IQCB1: variants seen among roughly 807,000 people sequenced by gnomAD.
IQCB1 encodes the protein IQ calmodulin-binding motif-containing protein 1.
A neutral mutation model predicts 84.4 loss-of-function variants in IQCB1; 56 were observed. The ratio of observed to expected loss-of-function variants is 0.66; its 90% CI spans 0.54 to 0.83. The LOEUF is 0.83. Among genes scored for constraint, IQCB1 ranks in the 40% least tolerant of loss-of-function variants. The pLI is 0.00. For missense variants in IQCB1, 629 were observed against 682.1 expected, an observed-to-expected ratio of 0.92 and a Z score of 0.87; for synonymous variants, 210 against 234.8, an observed-to-expected ratio of 0.89 and a Z score of 0.96.
intron 13 of IQCB1, among the ~76,000 whole-genome samples, chr3:121,777,762 T>C (rs1948288286): frequency 1.3e-5 from 2 of 152,214 alleles, no homozygotes; most frequent in African/African-American, 4.8e-5. Flanking sequence ...TCTGTTGTTT[T>C]TGACTTTGTA....
At chr3:121,831,132 C>T (rs544601550) in intron 2 of IQCB1, among the ~76,000 whole-genome samples, 1 of 151,692 alleles carries the variant, frequency 6.6e-6, no homozygotes, top group South Asian at 2.1e-4. Flanking sequence ...AAGCTCTGTG[C>T]CCCTTCCCAT....
At chr3:121,807,877 A>G (rs1398347172) in intron 6 of IQCB1, among the ~76,000 whole-genome samples, 1 of 152,030 alleles carries the variant, frequency 6.6e-6, no homozygotes, top group Non-Finnish European at 1.5e-5. Context: ...TGTTTTATAT[A>G]ATAATGAATA....
At chr3:121,790,699 T>A (rs530922901) in intron 10 of IQCB1, among the ~76,000 whole-genome samples, 1 of 152,292 alleles carries the variant, frequency 6.6e-6, no homozygotes, top group East Asian at 1.9e-4. Context: ...GAGAATATAC[T>A]GATGATCTAA....
In IQCB1 at chr3:121,774,386, A is replaced by T. The variant is rs185978685; in HGVS notation, c.1411-1673T>A. Among the ~76,000 whole-genome samples, 685 of 152,316 alleles carry T rather than the reference A, an allele frequency of 4.5e-3. 2 individuals carry two copies. Among genetic ancestry groups the T allele is most frequent in the Non-Finnish European group, 7.7e-3 (523 of 68,026 alleles). On this transcript the variant is annotated intron_variant, in intron 13 of 14. Coordinates refer to ENST00000310864, the MANE Select transcript of IQCB1 (RefSeq NM_001023570.4). ...AACAGTATGGCAGTTCCTCAAAAAA[A>T]TTTTTAAAAAGAATTAGCACACAAT...
chr3:121,823,506 C>T (rs1315708702), intron 5 of IQCB1, among the ~76,000 whole-genome samples: 2 of 151,912 alleles, frequency 1.3e-5, no homozygotes, highest in Non-Finnish European at 2.9e-5. Context: ...AGAATGAAGG[C>T]TGAATTTACA....
At position 121,799,248 on chromosome 3, in the gene IQCB1, A is replaced by G. The variant is rs886057828; in HGVS notation, c.714T>C (p.Ala238=). The part of the protein sequence containing the change: ...STATKLLLLM[A]ESHQEILILL... ...AAATCAAAATTTCCTGATGGGATTC[A>G]GCCATCAACAGTAGGAGTTTTGTAG... is the stretch of plus-strand genomic sequence containing the variant. The change falls in exon 8 of 15, where the codon GCT becomes GCC. Residue 238 remains alanine (A), a synonymous_variant. Coordinates refer to ENST00000310864, the MANE Select transcript of IQCB1 (RefSeq NM_001023570.4). 2.4e-5 allele frequency: 39 copies of G among 1,610,370 alleles called. No homozygotes were observed. Among genetic ancestry groups the G allele is most frequent in the African/African-American group, 4.0e-5 (3 of 74,782 alleles).
intron 12 of IQCB1, among the ~76,000 whole-genome samples, chr3:121,783,097 C>T (rs1315253612): frequency 6.6e-6 from 1 of 152,160 alleles, no homozygotes; most frequent in African/African-American, 2.4e-5. Context: ...ATAGCCCTTC[C>T]CTGAAAAGTT....
At chr3:121,815,586 A>C (rs1950019950) in intron 5 of IQCB1, among the ~76,000 whole-genome samples, 1 of 152,210 alleles carries the variant, frequency 6.6e-6, no homozygotes, top group Admixed American at 6.5e-5. Flanking sequence ...AATCTGCAAA[A>C]ATCACAAGCA....
At position 121,788,277 on chromosome 3, in the gene IQCB1, G is replaced by A. The variant is rs112780863; in HGVS notation, c.1278+7C>T. The A allele has an allele frequency of 6.2e-7, 1 of 1,613,444 alleles. No individual in the cohort carries two copies. Among genetic ancestry groups the A allele is most frequent in the South Asian group, 1.1e-5 (1 of 91,056 alleles). On this transcript the variant is annotated splice_region_variant and intron_variant, in intron 12 of 14. Transcript: ENST00000310864. Reference sequence around the variant, plus strand: ...ATTCAGAGCTCTTTTCACTACATTAGACTCACTGCTCTTTGAAGTGTGACA... The same window carrying A: ...ATTCAGAGCTCTTTTCACTACATTAAACTCACTGCTCTTTGAAGTGTGACA...
intron 5 of IQCB1, among the ~76,000 whole-genome samples, chr3:121,819,392 G>A (rs1270981910): frequency 6.6e-6 from 1 of 152,168 alleles, no homozygotes; most frequent in East Asian, 1.9e-4. Context: ...AGGCGGTAAT[G>A]TGAGCAATGG....
intron 4 of IQCB1, among the ~76,000 whole-genome samples, chr3:121,828,154 C>T (rs1950519628): frequency 6.6e-6 from 1 of 152,062 alleles, no homozygotes. Flanking sequence ...TTCTCAGGTA[C>T]AGAGCCAGTG....
chr3:121,789,978 A>C, intron 11 of IQCB1, 95 bp downstream of exon 11: 2 of 1,114,408 alleles, frequency 1.8e-6, no homozygotes, highest in Admixed American at 3.6e-5. Context: ...CAAAAGTCCA[A>C]ATTTAAAAAA....
chr3:121,811,238 A>T (rs915776389), intron 5 of IQCB1, among the ~76,000 whole-genome samples: 5 of 152,124 alleles, frequency 3.3e-5, no homozygotes, highest in South Asian at 4.1e-4. Flanking sequence ...TATCTGGCCC[A>T]GATACTACGT....
chr3:121,799,948 C>T (rs938818131), intron 7 of IQCB1, among the ~76,000 whole-genome samples: 5 of 151,752 alleles, frequency 3.3e-5, no homozygotes, highest in Non-Finnish European at 5.9e-5. Flanking sequence ...TATTTACCCC[C>T]TTAAGGAGTT....
intron 5 of IQCB1, among the ~76,000 whole-genome samples, chr3:121,825,119 G>C (rs1950419601): frequency 6.8e-6 from 1 of 146,580 alleles, no homozygotes; most frequent in African/African-American, 2.5e-5. Flanking sequence ...GGAGAGCAAT[G>C]GCACTATCTT....
Position 121,783,187 on chromosome 3 carries a change from A to G in IQCB1, c.1279-1313T>C, listed in dbSNP as rs796376663. On this transcript the variant is annotated intron_variant, in intron 12 of 14. Transcript: ENST00000310864. The stretch of plus-strand genomic sequence containing the variant: ...CGATTGTTTAATTTGTCAGTTTCAT[A>G]AGAATTACTAGAATTCTTACTAGAG... Among the ~76,000 whole-genome samples, 3 of 152,330 alleles carry G rather than the reference A, an allele frequency of 2.0e-5. No homozygotes were observed. In the East Asian group the frequency reaches 5.8e-4, roughly 29 times the overall value.
At position 121,770,387 on chromosome 3, in the gene IQCB1, T is replaced by A; in HGVS notation, c.1755A>T (p.Ile585=). The change falls in exon 15 of 15, where the codon ATA becomes ATT. Residue 585 remains isoleucine (I), a synonymous_variant. Transcript: ENST00000310864. ...EIDVPKDELS[I]ELENLFIGGT... is the part of the protein sequence containing the mutation. ...CACCAATGAATAAATTTTCTAATTCTATACTAAGCTCATCCTTTGGAACAT... is the reference window on the plus strand; with the variant it reads ...CACCAATGAATAAATTTTCTAATTCAATACTAAGCTCATCCTTTGGAACAT... The A allele has an allele frequency of 6.2e-7, 1 of 1,614,098 alleles. No homozygotes were observed. The highest frequency in any genetic ancestry group is 8.5e-7 in the Non-Finnish European group (1 of 1,179,920).
At chr3:121,786,170 C>CAAAAGAAAAGAAAAG (rs778485380) in intron 12 of IQCB1, among the ~76,000 whole-genome samples, 8,134 of 72,856 alleles carry the variant, frequency 0.11, 1,067 homozygotes, top group African/African-American at 0.14. Context: ...GATTCTGTCT[C>CAAAAGAAAAGAAAAG]AAAAGAAAAG....
intron 13 of IQCB1, among the ~76,000 whole-genome samples, chr3:121,779,549 AAT>A (rs1299980200): frequency 6.6e-6 from 1 of 152,094 alleles, no homozygotes; most frequent in African/African-American, 2.4e-5. Context: ...ATACAGTTAT[AAT>A]GACTGTTTTA....
Sources: gnomAD v4.1 joint callset for allele counts (sites outside exome capture counted in the v4.1 genomes callset) on GRCh38, gnomAD v4.1.1 for gene constraint, MANE v1.5 for transcripts, NCBI Gene and HGNC (gene_info 2026-07-23, HGNC 2026-07-21) for gene names.